The following SAMD12 variants were observed in gnomAD, a reference collection of about 807,000 sequenced individuals.
SAMD12 encodes the protein sterile alpha motif domain-containing protein 12.
A neutral mutation model predicts 15.0 loss-of-function variants in SAMD12; 9 were observed. The observed-to-expected ratio is 0.60, with a 90% CI of 0.36 to 1.05. SAMD12 has a LOEUF of 1.05. Ranked by LOEUF, SAMD12 falls within the 50% of genes least tolerant of loss-of-function variation. The probability of loss-of-function intolerance (pLI) is 0.01; values close to 1 mark genes in which losing one functional copy is unlikely to be tolerated. For missense variants in SAMD12, 230 were observed against 234.2 expected (o/e 0.98, Z 0.12); for synonymous variants, 86 against 90.1 (o/e 0.96, Z 0.25).
chr8:118,414,336 G>C (rs1821577091), intron 3 of SAMD12, among the ~76,000 whole-genome samples: 1 of 152,068 alleles, frequency 6.6e-6, no homozygotes, highest in African/African-American at 2.4e-5. Context: ...AGCTGAATTA[G>C]AGCAGTCACC....
intron 4 of SAMD12, among the ~76,000 whole-genome samples, chr8:118,205,969 C>T (rs2129794641): frequency 6.6e-6 from 1 of 152,290 alleles, no homozygotes; most frequent in East Asian, 1.9e-4. Context: ...AAAAGTAAGG[C>T]CACTAGTCTA....
intron 4 of SAMD12, among the ~76,000 whole-genome samples, chr8:118,339,326 T>G (rs1252538687): frequency 6.6e-6 from 1 of 151,910 alleles, no homozygotes; most frequent in Admixed American, 6.6e-5. Flanking sequence ...TGAGACCCTG[T>G]CTTAAAAAAT....
At chr8:118,508,801 T>C (rs1824995048) in intron 2 of SAMD12, among the ~76,000 whole-genome samples, 1 of 152,212 alleles carries the variant, frequency 6.6e-6, no homozygotes, top group South Asian at 2.1e-4. Flanking sequence ...GGTGGAGATA[T>C]GAAAAGGATG....
At chr8:118,384,552 G>T (rs1465365602) in intron 3 of SAMD12, among the ~76,000 whole-genome samples, 1 of 152,150 alleles carries the variant, frequency 6.6e-6, no homozygotes, top group East Asian at 1.9e-4. Context: ...GGGAAAGACA[G>T]ACATCAGAGA....
chr8:118,172,094 G>A, the SAMD12 span, among the ~76,000 whole-genome samples: 8 of 152,054 alleles, frequency 5.3e-5, no homozygotes, highest in Non-Finnish European at 8.8e-5. Context: ...ATCACACACC[G>A]GGGCCTGTCG....
chr8:118,144,542 A>G, the SAMD12 span, among the ~76,000 whole-genome samples: 1 of 152,052 alleles, frequency 6.6e-6, no homozygotes, highest in Non-Finnish European at 1.5e-5. Flanking sequence ...ATATTAATTT[A>G]TTGATGAAAA....
intron 2 of SAMD12, among the ~76,000 whole-genome samples, chr8:118,501,086 T>TTCTC (rs1824769513): frequency 6.6e-6 from 1 of 152,188 alleles, no homozygotes; most frequent in Non-Finnish European, 1.5e-5. Context: ...TCTCTTGTCT[T>TTCTC]CATATGGCCC....
chr8:118,507,405 T>C (rs1371107959), intron 2 of SAMD12, among the ~76,000 whole-genome samples: 2 of 152,050 alleles, frequency 1.3e-5, no homozygotes, highest in African/African-American at 4.8e-5. Flanking sequence ...CGACAATATC[T>C]ACCACAAAGC....
chr8:118,361,943 C>G (rs537530508), intron 4 of SAMD12, among the ~76,000 whole-genome samples: 2 of 152,282 alleles, frequency 1.3e-5, no homozygotes, highest in East Asian at 1.9e-4. Flanking sequence ...ATTCATTTGA[C>G]AGAGTGACAT....
At position 118,288,515 on chromosome 8, in the gene SAMD12, G is replaced by A. The variant is rs115381960; in HGVS notation, c.434-90783C>T. 6.6e-3 allele frequency among the ~76,000 whole-genome samples: 1,010 copies of A among 152,276 alleles called. 14 individuals are homozygous for A. Among genetic ancestry groups the A allele is most frequent in the African/African-American group, 0.023 (963 of 41,566 alleles). ...CTAGAAATCTAAGGCAGCAATTTCA[G>A]ATGTTTTGAAGACCCTCATAAACTA... is the stretch of plus-strand genomic sequence containing the variant. On this transcript the variant is annotated intron_variant, in intron 4 of 4. Transcript: ENST00000409003.
intron 4 of SAMD12, among the ~76,000 whole-genome samples, chr8:118,221,050 A>G (rs1198415296): frequency 3.3e-5 from 5 of 152,176 alleles, no homozygotes. Context: ...AAACTTCTTG[A>G]AGTTAAATTA....
At chr8:118,507,224 G>A (rs796210388) in intron 2 of SAMD12, among the ~76,000 whole-genome samples, 17 of 151,764 alleles carry the variant, frequency 1.1e-4, no homozygotes, top group African/African-American at 3.4e-4. Flanking sequence ...AAGTCTCCCC[G>A]ACTTGTTTAA....
chr8:118,529,465 A>C (rs922267865), intron 2 of SAMD12, among the ~76,000 whole-genome samples: 3 of 152,196 alleles, frequency 2.0e-5, no homozygotes, highest in Non-Finnish European at 4.4e-5. Flanking sequence ...ATAGTGGTGA[A>C]GTCTGGGCTT....
chr8:118,408,104 T>A (rs938587916), intron 3 of SAMD12, among the ~76,000 whole-genome samples: 1 of 152,178 alleles, frequency 6.6e-6, no homozygotes, highest in Admixed American at 6.5e-5. Context: ...CCCAAGTTTA[T>A]ACACTTCCTC....
chr8:118,207,827 T>G (rs565495549), intron 4 of SAMD12, among the ~76,000 whole-genome samples: 14 of 152,282 alleles, frequency 9.2e-5, no homozygotes, highest in African/African-American at 3.1e-4. Flanking sequence ...ATTCACTACT[T>G]TAGATAAAAT....
intron 1 of SAMD12, among the ~76,000 whole-genome samples, chr8:118,589,575 C>A (rs1413694527): frequency 6.6e-6 from 1 of 152,112 alleles, no homozygotes; most frequent in Admixed American, 6.5e-5. Context: ...AGAAGATGTC[C>A]AAGGCATGAA....
chr8:118,293,941 G>T (rs549320966), intron 4 of SAMD12, among the ~76,000 whole-genome samples: 1 of 152,278 alleles, frequency 6.6e-6, no homozygotes, highest in South Asian at 2.1e-4. Context: ...TCTCACACTG[G>T]ATCTCTAAGG....
At chr8:118,252,407 G>A (rs757290206) in intron 4 of SAMD12, among the ~76,000 whole-genome samples, 28 of 152,276 alleles carry the variant, frequency 1.8e-4, no homozygotes, top group South Asian at 1.2e-3. Flanking sequence ...GAAAGGATGA[G>A]TGACTTGTCC....
chr8:118,570,756 T>C (rs1055878367), intron 2 of SAMD12, among the ~76,000 whole-genome samples: 4 of 152,192 alleles, frequency 2.6e-5, no homozygotes, highest in African/African-American at 9.6e-5. Flanking sequence ...GGTTTGGCTG[T>C]GTCCCCACCC....
Sources: allele counts gnomAD v4.1 joint callset (sites outside exome capture counted in the v4.1 genomes callset), GRCh38; gene constraint gnomAD v4.1.1; transcripts MANE v1.5; gene names NCBI Gene and HGNC (gene_info 2026-07-23, HGNC 2026-07-21).